Variants in OSBPL10 observed in about 807,000 individuals in gnomAD.
OSBPL10 encodes the protein oxysterol-binding protein-related protein 10.
Under a neutral mutation model 81.7 loss-of-function variants are expected in OSBPL10, and 49 were observed. The observed-to-expected ratio is 0.60, with a 90% CI of 0.48 to 0.76. The LOEUF is 0.76. Among genes scored for constraint, OSBPL10 ranks in the 30% least tolerant of loss-of-function variants. The pLI is 0.00. For synonymous variants in OSBPL10, 419 were observed against 383.6 expected, an observed-to-expected ratio of 1.09 and a Z score of -1.08; for missense variants, 923 against 987.8, an observed-to-expected ratio of 0.93 and a Z score of 0.88.
At position 31,871,187 on chromosome 3, in the gene OSBPL10, T is replaced by G. The variant is rs1287214894; in HGVS notation, c.537+5246A>C. Among the ~76,000 whole-genome samples the G allele has an allele frequency of 5.3e-5, 8 of 152,152 alleles. No individual in the cohort carries two copies. The East Asian group carries it at 1.5e-3, about 29-fold the overall frequency. ...TGCAATAAATCTTGCTACTGCTCAC[T>G]CTTTGGGTCCACACTGCTTTTATGA... On this transcript the variant is annotated intron_variant, in intron 3 of 11. Coordinates refer to ENST00000396556, the MANE Select transcript of OSBPL10 (RefSeq NM_017784.5).
At chr3:31,823,543 A>G (rs1014512130) in intron 4 of OSBPL10, among the ~76,000 whole-genome samples, 8 of 152,216 alleles carry the variant, frequency 5.3e-5, no homozygotes, top group African/African-American at 1.9e-4. Flanking sequence ...AGGCGAATTT[A>G]AAAGGTAGAA....
chr3:31,788,602 G>T (rs114928367), intron 4 of OSBPL10, among the ~76,000 whole-genome samples: 3,905 of 152,098 alleles, frequency 0.026, 76 homozygotes, highest in Middle Eastern at 0.034. Context: ...GAAGCCAAAA[G>T]AAAAAACTCC....
At chr3:31,896,548 A>C (rs1427844521) in intron 1 of OSBPL10, among the ~76,000 whole-genome samples, 3 of 152,246 alleles carry the variant, frequency 2.0e-5, no homozygotes, top group Non-Finnish European at 4.4e-5. Flanking sequence ...CGTGCAGAGC[A>C]GAAGTGGTTC....
At chr3:31,813,290 G>T (rs182067045) in intron 4 of OSBPL10, among the ~76,000 whole-genome samples, 1 of 152,286 alleles carries the variant, frequency 6.6e-6, no homozygotes, top group Non-Finnish European at 1.5e-5. Flanking sequence ...CATTTTGCAG[G>T]TGGCAGCAAA....
chr3:31,898,017 A>AG (rs1322158002), intron 1 of OSBPL10, among the ~76,000 whole-genome samples: 2 of 91,472 alleles, frequency 2.2e-5, no homozygotes, highest in East Asian at 4.8e-4. Flanking sequence ...AAAAAAAAAA[A>AG]AAAAAAAAAA....
Position 31,988,113 on chromosome 3 carries a change from C to T in OSBPL10, n.298+58378G>A, listed in dbSNP as rs78353001. 4.9e-3 allele frequency among the ~76,000 whole-genome samples: 753 copies of T among 152,302 alleles called. 24 individuals are homozygous for T. The East Asian group carries it at 0.1, about 21-fold the overall frequency. On this transcript the variant is annotated intron_variant and non_coding_transcript_variant, in intron 2 of 3. Coordinates refer to the OSBPL10 transcript ENST00000479173. The stretch of plus-strand genomic sequence containing the variant: ...TTCAAAATTGCCTTGGACCACTGAT[C>T]GCTTTGCACCTCCTGTTTCCGCCTC...
intron 11 of OSBPL10, 81 bp from the exon 12 acceptor site, chr3:31,662,197 C>T: frequency 6.2e-7 from 1 of 1,603,590 alleles, no homozygotes; most frequent in South Asian, 1.1e-5. Context: ...CGCAGCCACT[C>T]TGTGTGTCTG....
intron 2 of OSBPL10, among the ~76,000 whole-genome samples, chr3:31,999,588 C>G (rs913722303): frequency 1.3e-5 from 2 of 151,924 alleles, no homozygotes; most frequent in African/African-American, 4.8e-5. Flanking sequence ...CTCGAACTTC[C>G]TACCTCAGGT....
chr3:31,810,566 T>A (rs1699654047), intron 4 of OSBPL10, among the ~76,000 whole-genome samples: 1 of 152,104 alleles, frequency 6.6e-6, no homozygotes, highest in South Asian at 2.1e-4. Context: ...TGAATTATCT[T>A]AATATATACA....
At chr3:31,931,291 C>A (rs1343806160) in intron 1 of OSBPL10, among the ~76,000 whole-genome samples, 1 of 152,126 alleles carries the variant, frequency 6.6e-6, no homozygotes, top group Non-Finnish European at 1.5e-5. Context: ...TCCCCACTCT[C>A]CACCCCCAGC....
intron 1 of OSBPL10, among the ~76,000 whole-genome samples, chr3:31,953,222 C>T (rs780510795): frequency 9.2e-5 from 14 of 152,008 alleles, no homozygotes; most frequent in African/African-American, 2.7e-4. Flanking sequence ...CGTGAGCCAG[C>T]GCGCCCGGTC....
At chr3:31,943,585 A>G (rs533813633) in intron 1 of OSBPL10, among the ~76,000 whole-genome samples, 1 of 152,190 alleles carries the variant, frequency 6.6e-6, no homozygotes, top group Non-Finnish European at 1.5e-5. Context: ...ATACACATAC[A>G]CAGAGACAGA....
intron 2 of OSBPL10, among the ~76,000 whole-genome samples, chr3:32,026,803 G>T (rs771232726): frequency 6.6e-6 from 1 of 152,160 alleles, no homozygotes; most frequent in Non-Finnish European, 1.5e-5. Flanking sequence ...GAGGAAACGG[G>T]CATGAACTGC....
At position 31,871,621 on chromosome 3, in the gene OSBPL10, A is replaced by G. The variant is rs564269645; in HGVS notation, c.537+4812T>C. On this transcript the variant is annotated intron_variant, in intron 3 of 11. Transcript: ENST00000396556. ...CTCAGTGGCTCATGCCTATAATCCCAGCACTTTGGGAGGGCAAGGCAGGAG... is the reference window on the plus strand; with the variant it reads ...CTCAGTGGCTCATGCCTATAATCCCGGCACTTTGGGAGGGCAAGGCAGGAG... Among the ~76,000 whole-genome samples the G allele has an allele frequency of 1.4e-3, 207 of 152,312 alleles. 1 individual carries two copies. The highest frequency in any genetic ancestry group is 2.0e-3 in the Non-Finnish European group (139 of 68,034).
chr3:31,817,590 T>C lies in OSBPL10; in HGVS notation c.729+12450A>G, dbSNP rs534179704. Among the ~76,000 whole-genome samples the C allele has an allele frequency of 1.7e-3, 254 of 152,120 alleles. 3 individuals are homozygous for C. The highest frequency in any genetic ancestry group is 5.4e-3 in the African/African-American group (223 of 41,518). On this transcript the variant is annotated intron_variant, in intron 4 of 11. Transcript: ENST00000396556. ...CACACCCAGCAGGGCAAATCCTGCC[T>C]GCTCCCAGCCCCGTCTAAGACCACA...
chr3:31,774,402 T>C (rs1431808444), intron 4 of OSBPL10, among the ~76,000 whole-genome samples: 1 of 151,906 alleles, frequency 6.6e-6, no homozygotes, highest in African/African-American at 2.4e-5. Context: ...GCGAGCGGAG[T>C]GTCGAGGCTG....
intron 6 of OSBPL10, among the ~76,000 whole-genome samples, chr3:31,724,900 A>T (rs1696759308): frequency 6.6e-6 from 1 of 152,190 alleles, no homozygotes; most frequent in South Asian, 2.1e-4. Flanking sequence ...AGCCTATGAG[A>T]TAACCATAGA....
intron 3 of OSBPL10, among the ~76,000 whole-genome samples, chr3:31,837,443 CAAGG>C (rs1216122594): frequency 2.9e-5 from 4 of 135,830 alleles, no homozygotes; most frequent in African/African-American, 5.4e-5. Context: ...AATCTGAAAA[CAAGG>C]AATAAAAAGA....
At chr3:31,982,966 A>G (rs1215485566), upstream of OSBPL10, among the ~76,000 whole-genome samples, 1 of 152,190 alleles carries the variant, frequency 6.6e-6, no homozygotes, top group Non-Finnish European at 1.5e-5. Context: ...GAGCAGTCAT[A>G]TGGTTCCACC....
Sources: gnomAD v4.1 joint callset for allele counts (sites outside exome capture counted in the v4.1 genomes callset) on GRCh38, gnomAD v4.1.1 for gene constraint, MANE v1.5 for transcripts, NCBI Gene and HGNC (gene_info 2026-07-23, HGNC 2026-07-21) for gene names.